SND1: variants seen among roughly 807,000 people sequenced by gnomAD.
SND1 encodes staphylococcal nuclease and tudor domain containing 1, also known as staphylococcal nuclease domain-containing protein 1.
In SND1, 38 loss-of-function variants were observed where a neutral mutation model predicts 121.7. The observed-to-expected ratio is 0.31, with a 90% confidence interval of 0.24 to 0.41. SND1 has a LOEUF of 0.41. Ranked by LOEUF, SND1 falls within the 10% of genes least tolerant of loss-of-function variation. The pLI is 1.00. For missense variants in SND1, 868 were observed against 1,184.6 expected, an observed-to-expected ratio of 0.73 and a Z score of 3.92; for synonymous variants, 401 against 447.4, an observed-to-expected ratio of 0.90 and a Z score of 1.31.
At chr7:127,812,624 G>A (rs1798354141) in intron 11 of SND1, among the ~76,000 whole-genome samples, 1 of 152,208 alleles carries the variant, frequency 6.6e-6, no homozygotes, top group Non-Finnish European at 1.5e-5. Context: ...GGGCACTGTA[G>A]GTGCTTGTTC....
chr7:128,058,060 T>G (rs1313069573), intron 16 of SND1, among the ~76,000 whole-genome samples: 2 of 152,220 alleles, frequency 1.3e-5, no homozygotes, highest in African/African-American at 4.8e-5. Context: ...AACCTCTAGT[T>G]CACCACACCC....
At chr7:127,911,708 G>A (rs542028573) in intron 14 of SND1, among the ~76,000 whole-genome samples, 1 of 152,080 alleles carries the variant, frequency 6.6e-6, no homozygotes, top group Non-Finnish European at 1.5e-5. Context: ...CACCATGTTG[G>A]TCAGGCTGGT....
intron 16 of SND1, among the ~76,000 whole-genome samples, chr7:128,072,299 C>T (rs1377582407): frequency 6.6e-6 from 1 of 152,214 alleles, no homozygotes; most frequent in Admixed American, 6.5e-5. Context: ...TAGTGGCCTG[C>T]CAGGCCTGGA....
At chr7:127,764,860 G>A (rs776092671) in intron 10 of SND1, among the ~76,000 whole-genome samples, 9 of 152,132 alleles carry the variant, frequency 5.9e-5, no homozygotes, top group Non-Finnish European at 1.3e-4. Flanking sequence ...GAAGTCGATC[G>A]AGGTAAATTG....
At chr7:127,705,074 TC>T in intron 8 of SND1, 129 bp downstream of exon 8, 1 of 730,534 alleles carries the variant, frequency 1.4e-6, no homozygotes, top group Non-Finnish European at 2.4e-6. Flanking sequence ...GTAGGGCAGT[TC>T]CTTATAGAGG....
chr7:127,887,864 C>T (rs1333448765), intron 12 of SND1, 38 bp from the exon 13 acceptor site: 9 of 1,368,350 alleles, frequency 6.6e-6, no homozygotes, highest in Admixed American at 1.7e-5. Flanking sequence ...GCCCCATATG[C>T]ACTTCTAGTG....
chr7:127,832,467 G>A (rs1798758333), intron 11 of SND1, among the ~76,000 whole-genome samples: 2 of 152,226 alleles, frequency 1.3e-5, no homozygotes, highest in Non-Finnish European at 2.9e-5. Flanking sequence ...AACTAGAGAA[G>A]TAGATAAAGG....
chr7:127,683,040 G>A (rs1464746580), intron 1 of SND1, among the ~76,000 whole-genome samples: 1 of 152,144 alleles, frequency 6.6e-6, no homozygotes, highest in Non-Finnish European at 1.5e-5. Flanking sequence ...CCCCCAGAAG[G>A]TATTTCTCAT....
At chr7:127,978,272 G>C (rs1173214362) in intron 15 of SND1, among the ~76,000 whole-genome samples, 2 of 152,050 alleles carry the variant, frequency 1.3e-5, no homozygotes, top group South Asian at 4.2e-4. Flanking sequence ...GGCGCTCAGT[G>C]GTAAATACCA....
chr7:127,973,301 T>C (rs1802042010), intron 15 of SND1, among the ~76,000 whole-genome samples: 1 of 152,166 alleles, frequency 6.6e-6, no homozygotes, highest in Admixed American at 6.5e-5. Flanking sequence ...GAAATGGAGA[T>C]TAAAACTTTG....
At chr7:127,977,666 T>C (rs1391364286) in intron 15 of SND1, among the ~76,000 whole-genome samples, 1 of 152,092 alleles carries the variant, frequency 6.6e-6, no homozygotes, top group Admixed American at 6.6e-5. Context: ...GCTGGTAGTG[T>C]GTATAAAGAA....
chr7:128,030,564 G>A (rs1292286189), intron 16 of SND1: 1 of 1,611,508 alleles, frequency 6.2e-7, no homozygotes, highest in African/African-American at 1.3e-5. Flanking sequence ...CCACACTTGC[G>A]CCGTGAGGTA....
chr7:127,707,407 C>T, intron 8 of SND1, 150 bp from the exon 9 acceptor site: 1 of 572,582 alleles, frequency 1.7e-6, no homozygotes, highest in Non-Finnish European at 3.1e-6. Context: ...TTTTCATTTA[C>T]TCTCGCTCTT....
chr7:127,726,998 A>G (rs1796593001), intron 10 of SND1, among the ~76,000 whole-genome samples: 1 of 152,134 alleles, frequency 6.6e-6, no homozygotes, highest in Non-Finnish European at 1.5e-5. Context: ...CCAAAGGTGG[A>G]GTCTTTCCCT....
intron 11 of SND1, among the ~76,000 whole-genome samples, chr7:127,838,353 G>A (rs1439064198): frequency 6.6e-6 from 1 of 152,164 alleles, no homozygotes; most frequent in Non-Finnish European, 1.5e-5. Flanking sequence ...AGAACTCATC[G>A]TACTTAACAA....
In SND1 at chr7:127,875,996, A is replaced by G. The variant is rs183328124; in HGVS notation, c.1344-11906A>G. On this transcript the variant is annotated intron_variant, in intron 12 of 23. Transcript: ENST00000354725. The stretch of plus-strand genomic sequence containing the variant: ...AAAATAGGGAATAATAATAGTCCCT[A>G]TCTCATCAGAATTTTGTGAAGATCA... 2.8e-4 allele frequency among the ~76,000 whole-genome samples: 43 copies of G among 152,248 alleles called. 1 individual carries two copies. The East Asian group carries it at 7.0e-3, about 25-fold the overall frequency.
chr7:127,734,239 T>G (rs991640606), intron 10 of SND1, among the ~76,000 whole-genome samples: 5 of 152,194 alleles, frequency 3.3e-5, no homozygotes, highest in African/African-American at 4.8e-5. Context: ...GAACATCTCC[T>G]GAGGATTCCA....
At chr7:127,652,494 G>A in intron 1 of SND1, 43 bp downstream of exon 1, 3 of 1,502,740 alleles carry the variant, frequency 2.0e-6, no homozygotes, top group South Asian at 1.2e-5. Flanking sequence ...CCTGCCTTCG[G>A]GCGGGAGTCA....
chr7:127,759,475 C>T (rs915943017), intron 10 of SND1, among the ~76,000 whole-genome samples: 1 of 152,142 alleles, frequency 6.6e-6, no homozygotes, highest in Non-Finnish European at 1.5e-5. Context: ...TGATCCATTT[C>T]TTGCTTTGTG....
Sources: allele counts gnomAD v4.1 joint callset (sites outside exome capture counted in the v4.1 genomes callset), GRCh38; gene constraint gnomAD v4.1.1; transcripts MANE v1.5; gene names NCBI Gene and HGNC (gene_info 2026-07-23, HGNC 2026-07-21).